COL5A2: variants seen among roughly 807,000 people sequenced by gnomAD.
COL5A2 encodes the protein collagen type V alpha 2 chain, also known as collagen alpha-2(V) chain.
A neutral mutation model predicts 208.2 loss-of-function variants in COL5A2; 23 were observed. That is an observed-to-expected ratio of 0.11 (90% confidence interval 0.08 to 0.16). The LOEUF (loss-of-function observed/expected upper bound fraction) is 0.16. Among genes scored for constraint, COL5A2 ranks in the 10% least tolerant of loss-of-function variants. COL5A2 has a pLI of 1.00. For synonymous variants in COL5A2, 625 were observed against 628.5 expected (o/e 0.99, Z 0.08); for missense variants, 1,590 against 1,956.4 (o/e 0.81, Z 3.53).
the COL5A2 span, among the ~76,000 whole-genome samples, chr2:189,324,760 G>T: frequency 6.6e-6 from 1 of 152,192 alleles, no homozygotes; most frequent in Non-Finnish European, 1.5e-5. Context: ...ACAGTGTGGT[G>T]ATTCCTCAGG....
the COL5A2 span, among the ~76,000 whole-genome samples, chr2:189,269,961 A>G: frequency 1.5e-4 from 23 of 152,076 alleles, no homozygotes; most frequent in Non-Finnish European, 2.6e-4. Flanking sequence ...GTTTAGACTT[A>G]GGAGGGTGTA....
chr2:189,374,450 TATC>T, the COL5A2 span, among the ~76,000 whole-genome samples: 2 of 152,092 alleles, frequency 1.3e-5, no homozygotes, highest in Admixed American at 6.6e-5. Flanking sequence ...TACTTTCACT[TATC>T]ATACTTAAAG....
At chr2:189,434,764 T>A in the COL5A2 span, among the ~76,000 whole-genome samples, 2 of 152,174 alleles carry the variant, frequency 1.3e-5, no homozygotes, top group Non-Finnish European at 2.9e-5. Context: ...AGGTAATTTA[T>A]AGATTCAATG....
the COL5A2 span, among the ~76,000 whole-genome samples, chr2:189,241,284 A>G: frequency 1.3e-5 from 2 of 152,160 alleles, no homozygotes; most frequent in Admixed American, 6.5e-5. Flanking sequence ...TGGGTACAAC[A>G]TTCACTATTT....
chr2:189,098,827 CAAAT>C (rs1212169670), intron 4 of COL5A2, 68 bp from the exon 5 acceptor site: 10 of 1,149,478 alleles, frequency 8.7e-6, no homozygotes, highest in Non-Finnish European at 9.2e-6. Context: ...TCAATAGTAA[CAAAT>C]AAGAATAACA....
At chr2:189,364,506 G>T in the COL5A2 span, among the ~76,000 whole-genome samples, 1 of 152,114 alleles carries the variant, frequency 6.6e-6, no homozygotes, top group Non-Finnish European at 1.5e-5. Context: ...GGCCAACATG[G>T]TGAAACCCCG....
chr2:189,086,405 G>A (rs1300569658), intron 9 of COL5A2, among the ~76,000 whole-genome samples: 2 of 152,088 alleles, frequency 1.3e-5, no homozygotes, highest in Admixed American at 6.5e-5. Context: ...TAGCTTCAGA[G>A]TTGGCATATA....
chr2:189,439,750 A>T, the COL5A2 span, among the ~76,000 whole-genome samples: 6 of 152,238 alleles, frequency 3.9e-5, no homozygotes, highest in Middle Eastern at 3.2e-3. Flanking sequence ...CAATCCAGCT[A>T]GTTTTTGTCC....
chr2:189,229,232 C>T (rs897002752), upstream of COL5A2, among the ~76,000 whole-genome samples: 1 of 151,494 alleles, frequency 6.6e-6, no homozygotes, highest in Non-Finnish European at 1.5e-5. Context: ...AGTTTTTCCT[C>T]CAAAATCAGG....
chr2:189,155,408 T>C (rs1188461471), intron 1 of COL5A2, among the ~76,000 whole-genome samples: 4 of 152,166 alleles, frequency 2.6e-5, no homozygotes, highest in African/African-American at 9.6e-5. Context: ...CAGATCCTCA[T>C]ACAAACTGAA....
At chr2:189,235,341 C>T in the COL5A2 span, among the ~76,000 whole-genome samples, 1 of 151,698 alleles carries the variant, frequency 6.6e-6, no homozygotes, top group South Asian at 2.1e-4. Context: ...TAAATATATG[C>T]AAGAGTCTTC....
chr2:189,211,184 T>C (rs1290786405), intron 1 of COL5A2, among the ~76,000 whole-genome samples: 3 of 152,164 alleles, frequency 2.0e-5, no homozygotes, highest in Non-Finnish European at 4.4e-5. Flanking sequence ...CCAGAGCATA[T>C]AGAGATCATC....
At chr2:189,428,841 T>C in the COL5A2 span, among the ~76,000 whole-genome samples, 2 of 152,204 alleles carry the variant, frequency 1.3e-5, no homozygotes, top group East Asian at 1.9e-4. Context: ...TATTTCTTTA[T>C]AGCAGCACAA....
intron 31 of COL5A2, 74 bp downstream of exon 31, chr2:189,060,656 G>A (rs1359690245): frequency 5.6e-6 from 7 of 1,241,904 alleles, no homozygotes; most frequent in Middle Eastern, 1.9e-4. Context: ...AAGCACAACA[G>A]AGCCTCACAC....
chr2:189,244,390 A>G, the COL5A2 span, among the ~76,000 whole-genome samples: 1 of 152,138 alleles, frequency 6.6e-6, no homozygotes, highest in East Asian at 1.9e-4. Flanking sequence ...ATCTCTCTCA[A>G]GTTCAAAGTT....
At chr2:189,288,547 A>G in the COL5A2 span, among the ~76,000 whole-genome samples, 1 of 152,208 alleles carries the variant, frequency 6.6e-6, no homozygotes, top group Non-Finnish European at 1.5e-5. Flanking sequence ...AAACAGATGA[A>G]TAATGAGTAA....
At chr2:189,209,057 G>A (rs1248955392) in intron 1 of COL5A2, among the ~76,000 whole-genome samples, 2 of 152,132 alleles carry the variant, frequency 1.3e-5, no homozygotes, top group African/African-American at 4.8e-5. Flanking sequence ...CTTCATGGGG[G>A]TCTTTATTTT....
the COL5A2 span, among the ~76,000 whole-genome samples, chr2:189,344,709 C>G: frequency 6.6e-6 from 1 of 152,162 alleles, no homozygotes; most frequent in Non-Finnish European, 1.5e-5. Flanking sequence ...CCACAAAAGA[C>G]ACTAACCTAT....
At chr2:189,053,140 T>G (rs1317334681) in intron 38 of COL5A2, 122 bp from the exon 39 acceptor site, 12 of 850,056 alleles carry the variant, frequency 1.4e-5, no homozygotes, top group African/African-American at 1.4e-4. Context: ...TAATCAGTAT[T>G]AAAGCATACT....
Sources: allele counts gnomAD v4.1 joint callset (sites outside exome capture counted in the v4.1 genomes callset), GRCh38; gene constraint gnomAD v4.1.1; transcripts MANE v1.5; gene names NCBI Gene and HGNC (gene_info 2026-07-23, HGNC 2026-07-21).